Variants in EPSTI1 observed in about 807,000 individuals in gnomAD.
EPSTI1 encodes epithelial-stromal interaction protein 1.
EPSTI1 carries 66 observed loss-of-function variants against 49.9 expected under a neutral mutation model. The ratio of observed to expected loss-of-function variants is 1.32; its 90% confidence interval spans 1.08 to 1.62. The LOEUF (loss-of-function observed/expected upper bound fraction) is 1.62, where lower values mean the gene tolerates loss of function less well. EPSTI1 is among the 40% of genes most tolerant of loss of function. The probability of loss-of-function intolerance (pLI) is 0.00; values close to 1 mark genes in which losing one functional copy is unlikely to be tolerated. For missense variants in EPSTI1, 394 were observed against 365.5 expected (o/e 1.08, Z -0.64); for synonymous variants, 137 against 130.7 (o/e 1.05, Z -0.33).
chr13:42,911,264 T>TGTGTGTGTGTGCGCGC (rs549150890), intron 8 of EPSTI1, among the ~76,000 whole-genome samples: 1 of 148,448 alleles, frequency 6.7e-6, no homozygotes, highest in African/African-American at 2.6e-5. Flanking sequence ...TGTGTGTGTG[T>TGTGTGTGTGTGCGCGC]GCGCGCGCAC....
At chr13:42,974,526 G>A (rs571582106) in intron 1 of EPSTI1, among the ~76,000 whole-genome samples, 2,763 of 152,032 alleles carry the variant, frequency 0.018, 81 homozygotes, top group African/African-American at 0.064. Flanking sequence ...GGGCGTGGTG[G>A]TGGGCGCCTA....
chr13:42,905,872 G>A (rs2037483579), intron 8 of EPSTI1, among the ~76,000 whole-genome samples: 1 of 152,158 alleles, frequency 6.6e-6, no homozygotes, highest in African/African-American at 2.4e-5. Flanking sequence ...ACAGGAGAAG[G>A]GTGTTCAACA....
intron 8 of EPSTI1, among the ~76,000 whole-genome samples, chr13:42,916,424 C>T (rs187791571): frequency 1.7e-3 from 265 of 152,228 alleles, no homozygotes; most frequent in African/African-American, 6.0e-3. Flanking sequence ...CACATTTATA[C>T]CATATGCTGG....
chr13:42,961,314 C>T (rs1280209999), intron 5 of EPSTI1, among the ~76,000 whole-genome samples: 1 of 152,086 alleles, frequency 6.6e-6, no homozygotes, highest in African/African-American at 2.4e-5. Flanking sequence ...CCACCACAGT[C>T]GGTTTCAAAC....
chr13:42,901,915 C>CA (rs1566101317), intron 8 of EPSTI1, among the ~76,000 whole-genome samples: 28 of 151,408 alleles, frequency 1.8e-4, no homozygotes, highest in African/African-American at 6.1e-4. Flanking sequence ...ATCCCTCCCC[C>CA]CTTCCCCCCA....
intron 1 of EPSTI1, among the ~76,000 whole-genome samples, chr13:42,987,493 A>T (rs893291735): frequency 2.6e-5 from 4 of 152,154 alleles, no homozygotes; most frequent in Admixed American, 2.6e-4. Flanking sequence ...CACAAGGTGC[A>T]TGTAGCCCAG....
rs2036926409 is a variant in EPSTI1, at chr13:42,888,407, A to G, written c.*87T>C. On this transcript the variant is annotated 3_prime_UTR_variant, in exon 11 of 11. Coordinates refer to ENST00000313624, the MANE Select transcript of EPSTI1 (RefSeq NM_033255.5). ...AGTTGAAATTAAGGTAAAAACAGTG[A>G]GGCTGAACAAAATCACATTAAGAAA... The G allele has an allele frequency of 6.2e-7, 1 of 1,614,162 alleles. No homozygotes were observed. The highest frequency in any genetic ancestry group is 1.1e-5 in the South Asian group (1 of 91,074).
Position 42,888,070 on chromosome 13 carries a change from A to G in EPSTI1, c.*424T>C. On this transcript the variant is annotated 3_prime_UTR_variant, in exon 11 of 11. Transcript: ENST00000313624. ...TTTTGTACATATTTGTACCATAAAG[A>G]AAGTAGGGATTAAAATCTAAAAAGA... The G allele has an allele frequency of 3.4e-6, 2 of 584,244 alleles. No individual in the cohort carries two copies. Among genetic ancestry groups the G allele is most frequent in the Non-Finnish European group, 5.8e-6 (2 of 344,314 alleles). 36.2% of individuals were successfully genotyped at this position (584,244 alleles called of 1,614,324 possible). A position where few individuals can be genotyped will look rare whatever the true frequency, so the allele number is the denominator to read the frequency against.
intron 10 of EPSTI1, among the ~76,000 whole-genome samples, chr13:42,889,515 T>C (rs1237896532): frequency 6.6e-6 from 1 of 152,194 alleles, no homozygotes; most frequent in African/African-American, 2.4e-5. Context: ...GGTTCCGATA[T>C]TTCCTCCAAG....
chr13:42,910,425 C>T (rs1464223296), intron 8 of EPSTI1, among the ~76,000 whole-genome samples: 5 of 151,672 alleles, frequency 3.3e-5, no homozygotes, highest in African/African-American at 1.2e-4. Flanking sequence ...CCACACCTGG[C>T]TAAGTTTTAG....
Position 42,971,032 on chromosome 13 carries a change from A to C in EPSTI1, c.189-362T>G, listed in dbSNP as rs909343340. 6.6e-5 allele frequency among the ~76,000 whole-genome samples: 10 copies of C among 152,318 alleles called. No homozygotes were observed. In the East Asian group the frequency reaches 1.5e-3, roughly 23 times the overall value. ...CTGTGTGACCACACCGGGGTACAGG[A>C]AACATTGGTACATTTTCTGTTCCCA... On this transcript the variant is annotated intron_variant, in intron 1 of 10. Transcript: ENST00000313624.
intron 1 of EPSTI1, among the ~76,000 whole-genome samples, chr13:42,990,926 A>G (rs759774142): frequency 5.8e-4 from 88 of 152,366 alleles, no homozygotes; most frequent in Admixed American, 1.5e-3. Context: ...CATACTGTTG[A>G]GTTAAAGTTC....
At chr13:42,898,572 T>C (rs1279215206) in intron 9 of EPSTI1, among the ~76,000 whole-genome samples, 2 of 152,056 alleles carry the variant, frequency 1.3e-5, no homozygotes, top group Non-Finnish European at 2.9e-5. Flanking sequence ...TTAAGTAGAA[T>C]CAAAAGAAAG....
At chr13:42,942,344 CT>C (rs1402875924) in intron 6 of EPSTI1, among the ~76,000 whole-genome samples, 1 of 152,004 alleles carries the variant, frequency 6.6e-6, no homozygotes, top group Non-Finnish European at 1.5e-5. Flanking sequence ...TTGCTTGTTA[CT>C]TTTTATTGAA....
At chr13:42,888,530 T>C in intron 10 of EPSTI1, 28 bp from the exon 11 acceptor site, 3 of 1,575,602 alleles carry the variant, frequency 1.9e-6, no homozygotes, top group Non-Finnish European at 2.6e-6. Context: ...CAAAAATTAC[T>C]GCAAGCAGCA....
At chr13:42,941,418 A>G (rs2153425563) in intron 6 of EPSTI1, among the ~76,000 whole-genome samples, 1 of 152,206 alleles carries the variant, frequency 6.6e-6, no homozygotes, top group South Asian at 2.1e-4. Flanking sequence ...TTTTGGTTTT[A>G]ATTTTTCCCC....
At chr13:42,980,691 A>G (rs1234100811) in intron 1 of EPSTI1, among the ~76,000 whole-genome samples, 1 of 152,218 alleles carries the variant, frequency 6.6e-6, no homozygotes, top group Non-Finnish European at 1.5e-5. Context: ...AAACCATATT[A>G]GGCATCATGG....
chr13:42,895,043 C>T lies in EPSTI1; in HGVS notation c.881G>A (p.Gly294Glu). Residue 294 changes from glycine (G) to glutamate (E), a missense_variant, in exon 10 of 11, where the codon GGA (glycine) becomes GAA (glutamate). Physicochemically the swap from Gly to Glu is moderately conservative, Grantham distance 98. Coordinates refer to ENST00000313624, the MANE Select transcript of EPSTI1 (RefSeq NM_033255.5). The part of the protein sequence containing the change: ...KSQPGGLEQS[G>E]GCWNMNSGNS... ...ACCGCTATTCATATTCCAACAGCCT[C>T]CAGATTGCTCGAGGCCACCTGGTTG... 4 of 1,613,460 alleles carry T rather than the reference C, an allele frequency of 2.5e-6. No individual in the cohort carries two copies. Among genetic ancestry groups the T allele is most frequent in the Non-Finnish European group, 3.4e-6 (4 of 1,179,668 alleles).
intron 1 of EPSTI1, among the ~76,000 whole-genome samples, chr13:42,973,138 G>A (rs184513222): frequency 1.3e-5 from 2 of 152,326 alleles, no homozygotes; most frequent in Admixed American, 6.5e-5. Flanking sequence ...AAGGTTTGGA[G>A]AGAAAAATCA....
Sources: gnomAD v4.1 joint callset for allele counts (sites outside exome capture counted in the v4.1 genomes callset) on GRCh38, gnomAD v4.1.1 for gene constraint, MANE v1.5 for transcripts, NCBI Gene and HGNC (gene_info 2026-07-23, HGNC 2026-07-21) for gene names.